Variants in ACACA observed in about 807,000 individuals in gnomAD.
The protein encoded by ACACA is acetyl-CoA carboxylase alpha.
ACACA carries 103 observed loss-of-function variants against 296.1 expected under a neutral mutation model. The ratio of observed to expected loss-of-function variants is 0.35; its 90% CI spans 0.30 to 0.41. The LOEUF is 0.41. Ranked by LOEUF, ACACA falls within the 10% of genes least tolerant of loss-of-function variation. The probability of loss-of-function intolerance (pLI) is 1.00; values close to 1 mark genes in which losing one functional copy is unlikely to be tolerated. For synonymous variants in ACACA, 953 were observed against 1,038.6 expected, an observed-to-expected ratio of 0.92 and a Z score of 1.58; for missense variants, 1,554 against 2,989.7, an observed-to-expected ratio of 0.52 and a Z score of 11.20.
At chr17:37,187,946 A>G (rs1411815496) in intron 39 of ACACA, among the ~76,000 whole-genome samples, 1 of 152,184 alleles carries the variant, frequency 6.6e-6, no homozygotes, top group Non-Finnish European at 1.5e-5. Context: ...ATCAGACCAG[A>G]GATTAGATTG....
chr17:37,245,114 T>C lies in ACACA; in HGVS notation c.2561A>G (p.Lys854Arg). 1 of 1,614,226 alleles carries C rather than the reference T, an allele frequency of 6.2e-7. No homozygotes were observed. Among genetic ancestry groups the C allele is most frequent in the South Asian group, 1.1e-5 (1 of 91,090 alleles). The change falls in exon 20 of 56, where the codon AAA (lysine) becomes AGA (arginine). Residue 854 changes from lysine to arginine, a missense_variant. By Grantham distance (26) the Lys-to-Arg change is conservative. This residue lies in a region of ACACA where 316 missense variants were observed against 540.9 expected (regional missense o/e 0.58). Coordinates refer to ENST00000616317, the MANE Select transcript of ACACA (RefSeq NM_198834.3). ...AALDPGCVLA[K>R]MQLDNPSKVQ... ...CTTGCTGGGGTTGTCCAGTTGCATT[T>C]TGGCTAGTACACAGCCAGGGTCAAG...
intron 51 of ACACA, among the ~76,000 whole-genome samples, chr17:37,112,010 C>T (rs763840063): frequency 3.3e-5 from 5 of 151,780 alleles, no homozygotes; most frequent in East Asian, 1.9e-4. Context: ...ACCTCCATCA[C>T]GTAGGATGTA....
In ACACA at chr17:37,125,360, C is replaced by T. The variant is rs560722344; in HGVS notation, c.6041+338G>A. ...TCTCTGAATCACTTGTCACCTATTC[C>T]TGAAAGAAAATTGTCTTTGGGAGAG... is the stretch of plus-strand genomic sequence containing the variant. On this transcript the variant is annotated intron_variant, in intron 48 of 55. Transcript: ENST00000616317. Among the ~76,000 whole-genome samples, 8 of 152,186 alleles carry T rather than the reference C, an allele frequency of 5.3e-5. No homozygotes were observed. The South Asian group carries it at 1.7e-3, about 32-fold the overall frequency.
At chr17:37,385,431 C>G (rs1230971515) in intron 1 of ACACA, among the ~76,000 whole-genome samples, 1 of 151,922 alleles carries the variant, frequency 6.6e-6, no homozygotes, top group Admixed American at 6.6e-5. Context: ...TGAGATCACA[C>G]CATTGCACTC....
chr17:37,251,132 A>C (rs1055472044), intron 16 of ACACA, among the ~76,000 whole-genome samples: 5 of 152,206 alleles, frequency 3.3e-5, no homozygotes, highest in African/African-American at 1.2e-4. Flanking sequence ...ATATTTGTAC[A>C]CCAATAAGAA....
intron 48 of ACACA, among the ~76,000 whole-genome samples, chr17:37,123,841 A>G (rs1454747379): frequency 1.3e-5 from 2 of 152,260 alleles, no homozygotes; most frequent in African/African-American, 2.4e-5. Flanking sequence ...TCGGTAACTT[A>G]TAACTTATAT....
At chr17:37,266,023 G>A (rs1359281755) in intron 10 of ACACA, among the ~76,000 whole-genome samples, 30 of 152,016 alleles carry the variant, frequency 2.0e-4, no homozygotes, top group Admixed American at 1.9e-3. Context: ...AATCATATTG[G>A]GGTTCACCGC....
intron 3 of ACACA, among the ~76,000 whole-genome samples, chr17:37,310,427 A>C (rs1004619580): frequency 6.6e-6 from 1 of 152,168 alleles, no homozygotes. Flanking sequence ...ATCTCAGAGG[A>C]TAGGTCTGGG....
chr17:37,208,979 C>T (rs1008754543), intron 30 of ACACA, among the ~76,000 whole-genome samples: 8 of 152,182 alleles, frequency 5.3e-5, no homozygotes, highest in African/African-American at 1.7e-4. Flanking sequence ...TACCCTATCG[C>T]AAATCATAAT....
At chr17:37,151,781 C>T (rs1456867119) in intron 43 of ACACA, among the ~76,000 whole-genome samples, 3 of 152,188 alleles carry the variant, frequency 2.0e-5, no homozygotes, top group African/African-American at 4.8e-5. Flanking sequence ...CCTGCCTCAG[C>T]CTCCCAAGTA....
intron 43 of ACACA, among the ~76,000 whole-genome samples, chr17:37,153,966 T>C (rs2076143004): frequency 6.6e-6 from 1 of 152,208 alleles, no homozygotes; most frequent in Non-Finnish European, 1.5e-5. Context: ...GTAAACTCAA[T>C]ACAATCTGAA....
intron 14 of ACACA, among the ~76,000 whole-genome samples, chr17:37,255,697 C>T (rs1478912271): frequency 6.6e-6 from 1 of 152,026 alleles, no homozygotes; most frequent in Non-Finnish European, 1.5e-5. Context: ...AGTTTATGTC[C>T]CGTCGAAAAG....
At chr17:37,188,200 G>C in intron 39 of ACACA, 77 bp downstream of exon 39, 1 of 1,363,462 alleles carries the variant, frequency 7.3e-7, no homozygotes, top group Non-Finnish European at 1.0e-6. Context: ...TGTGAGTGTG[G>C]GTCTTCTATA....
At chr17:37,206,209 G>A (rs1211200540) in intron 32 of ACACA, among the ~76,000 whole-genome samples, 1 of 152,150 alleles carries the variant, frequency 6.6e-6, no homozygotes, top group African/African-American at 2.4e-5. Context: ...TTCACAGAAT[G>A]TGAAGGAAAA....
chr17:37,301,801 T>A (rs1254997427), intron 3 of ACACA, among the ~76,000 whole-genome samples: 4 of 152,118 alleles, frequency 2.6e-5, no homozygotes, highest in African/African-American at 4.8e-5. Flanking sequence ...GTCCTTTGTT[T>A]CCATGTAAAT....
intron 41 of ACACA, among the ~76,000 whole-genome samples, chr17:37,170,715 C>A (rs1045088483): frequency 6.6e-6 from 1 of 152,126 alleles, no homozygotes; most frequent in Non-Finnish European, 1.5e-5. Context: ...TCTGATGGTG[C>A]CCATAAATGC....
intron 5 of ACACA, among the ~76,000 whole-genome samples, chr17:37,281,351 A>G (rs1220184153): frequency 6.6e-6 from 1 of 151,824 alleles, no homozygotes; most frequent in Non-Finnish European, 1.5e-5. Flanking sequence ...GAGCCACCAC[A>G]CTCAGCCTAA....
chr17:37,306,294 G>A (rs1221857783), intron 3 of ACACA, among the ~76,000 whole-genome samples: 1 of 152,086 alleles, frequency 6.6e-6, no homozygotes, highest in Non-Finnish European at 1.5e-5. Flanking sequence ...ATTTTGTCAA[G>A]TTTGTCAATC....
intron 29 of ACACA, among the ~76,000 whole-genome samples, chr17:37,216,202 G>GTT (rs1386975223): frequency 6.8e-4 from 99 of 146,610 alleles, no homozygotes; most frequent in African/African-American, 2.6e-3. Context: ...GTGTGTGTGT[G>GTT]TGTGTGTATA....
Sources: gnomAD v4.1 joint callset for allele counts (sites outside exome capture counted in the v4.1 genomes callset) on GRCh38, gnomAD v4.1.1 for gene constraint, gnomAD v4.1.1 regional missense constraint, MANE v1.5 for transcripts, NCBI Gene and HGNC (gene_info 2026-07-23, HGNC 2026-07-21) for gene names.